The following POMT1 variants were observed in gnomAD, a reference collection of about 807,000 sequenced individuals.
POMT1 encodes protein O-mannosyltransferase 1, also known as protein O-mannosyl-transferase 1.
Under a neutral mutation model 101.6 loss-of-function variants are expected in POMT1, and 85 were observed. The observed-to-expected ratio is 0.84, with a 90% CI of 0.70 to 1.00. POMT1 has a LOEUF of 1.00. POMT1 is among the 50% of genes least tolerant of loss of function. The pLI is 0.00. For synonymous variants in POMT1, 371 were observed against 383.0 expected, an observed-to-expected ratio of 0.97 and a Z score of 0.37; for missense variants, 857 against 930.4, an observed-to-expected ratio of 0.92 and a Z score of 1.03.
intron 13 of POMT1, chr9:131,518,085 C>A: frequency 2.7e-6 from 1 of 377,006 alleles, no homozygotes; most frequent in African/African-American, 2.1e-5. Context: ...GAGCTGTCTG[C>A]GAGTCCTGCC....
At chr9:131,508,823 A>G in intron 5 of POMT1, 88 bp from the exon 6 acceptor site, 1 of 910,468 alleles carries the variant, frequency 1.1e-6, no homozygotes, top group Non-Finnish European at 1.8e-6. Context: ...TCGCTTCTGA[A>G]GTAATGCCTT....
intron 3 of POMT1, 39 bp downstream of exon 3, chr9:131,506,259 C>A (rs764761408): frequency 6.3e-7 from 1 of 1,596,856 alleles, no homozygotes; most frequent in South Asian, 1.1e-5. Context: ...CCCTTCAGGA[C>A]CTCAAATACA....
In POMT1 at chr9:131,519,598, T is replaced by C. The variant is rs2131871070; in HGVS notation, c.1584+112T>C. 9.7e-7 allele frequency: 1 copy of C among 1,033,546 alleles called. No individual in the cohort carries two copies. The highest frequency in any genetic ancestry group is 1.4e-6 in the Non-Finnish European group (1 of 690,160). The allele number at this position is 1,033,546 out of a possible 1,614,324, so 64.0% of individuals were successfully genotyped here. A position where few individuals can be genotyped will look rare whatever the true frequency, so the allele number is the denominator to read the frequency against. ...CAGAGTCAGGCTTTGACGCTGGAGC[T>C]ACAGGCTCACAACAGAATGAGTGTC... is the stretch of plus-strand genomic sequence containing the variant. On this transcript the variant is annotated intron_variant, in intron 16 of 19. Transcript: ENST00000402686. This position sits in a 1 kb window ranked among gnomAD's most constrained non-coding sequence, Gnocchi z 4.3.
Position 131,522,055 on chromosome 9 carries a change from C to T in POMT1, c.1834C>T (p.Leu612=), listed in dbSNP as rs770411608. The change falls in exon 19 of 20, where the codon CTG becomes TTG. Residue 612 remains leucine (L), a synonymous_variant. Coordinates refer to ENST00000402686, the MANE Select transcript of POMT1 (RefSeq NM_001077365.2). This position sits in a 1 kb window ranked among gnomAD's most constrained non-coding sequence, Gnocchi z 5.5. ...NVHDLPQDAW[L]RWVLAGALCA... Reference sequence around the variant, plus strand: ...CGAGCCCTTTCCTATAGATGCCTGGCTGCGCTGGGTGCTGGCTGGGGCGCT... The same window carrying T: ...CGAGCCCTTTCCTATAGATGCCTGGTTGCGCTGGGTGCTGGCTGGGGCGCT... 6.2e-7 allele frequency: 1 copy of T among 1,613,944 alleles called. No homozygotes were observed.
chr9:131,508,859 T>TA, intron 5 of POMT1, 52 bp from the exon 6 acceptor site: 1 of 1,294,694 alleles, frequency 7.7e-7, no homozygotes, highest in Non-Finnish European at 1.1e-6. Context: ...TTCATCCTCA[T>TA]ACGTTTTCCC....
At chr9:131,517,403 T>G (rs1948930389) in intron 13 of POMT1, among the ~76,000 whole-genome samples, 1 of 152,166 alleles carries the variant, frequency 6.6e-6, no homozygotes, top group Non-Finnish European at 1.5e-5. Context: ...ATTTTGAATA[T>G]TTAATTTTTA....
chr9:131,522,879 A>G lies in POMT1; in HGVS notation c.2004-53A>G, dbSNP rs1950242915. ...AGCAGATGCCAAGAGGGTGCCGGGC[A>G]GGGAAGCCGCAGTGGTCAGCCACCC... On this transcript the variant is annotated intron_variant, in intron 19 of 19. Coordinates refer to ENST00000402686, the MANE Select transcript of POMT1 (RefSeq NM_001077365.2). The surrounding 1 kb of genome is among the most constrained non-coding windows in gnomAD (Gnocchi z 5.5). 4 of 1,518,916 alleles carry G rather than the reference A, an allele frequency of 2.6e-6. No homozygotes were observed. Among genetic ancestry groups the G allele is most frequent in the South Asian group, 1.2e-5 (1 of 84,436 alleles). The allele number at this position is 1,518,916 out of a possible 1,614,324, so 94.1% of individuals were successfully genotyped here.
At position 131,507,526 on chromosome 9, in the gene POMT1, G is replaced by T; in HGVS notation, c.427+12G>T. On this transcript the variant is annotated intron_variant, in intron 5 of 19. Transcript: ENST00000402686. ...GTTGATGCTTATCGGTAAGACCTGC[G>T]CCCCTGCCTGCTCTTGCTGTCATGC... is the stretch of plus-strand genomic sequence containing the variant. The T allele has an allele frequency of 1.9e-6, 3 of 1,613,848 alleles. No homozygotes were observed. Among genetic ancestry groups the T allele is most frequent in the Non-Finnish European group, 2.5e-6 (3 of 1,179,968 alleles).
At position 131,509,738 on chromosome 9, in the gene POMT1, T is replaced by G; in HGVS notation, c.540-5T>G. On this transcript the variant is annotated splice_region_variant and splice_polypyrimidine_tract_variant and intron_variant, in intron 6 of 19. Coordinates refer to ENST00000402686, the MANE Select transcript of POMT1 (RefSeq NM_001077365.2). ...CTGTCTCCATCTGCTTTGTTTTTATTCCAGCCCTTTTTCTCTGAGCTGGTG... is the reference window on the plus strand; with the variant it reads ...CTGTCTCCATCTGCTTTGTTTTTATGCCAGCCCTTTTTCTCTGAGCTGGTG... 1 of 1,614,244 alleles carries G rather than the reference T, an allele frequency of 6.2e-7. No individual in the cohort carries two copies. The highest frequency in any genetic ancestry group is 1.6e-4 in the Middle Eastern group (1 of 6,062).
At position 131,519,080 on chromosome 9, in the gene POMT1, G is replaced by A; in HGVS notation, c.1486+123G>A. The A allele has an allele frequency of 1.4e-6, 2 of 1,461,734 alleles. No individual in the cohort carries two copies. The highest frequency in any genetic ancestry group is 1.9e-6 in the Non-Finnish European group (2 of 1,074,532). 90.5% of individuals were successfully genotyped at this position (1,461,734 alleles called of 1,614,324 possible). ...CTGAGCACATTCTCCATGCTCGGTGGCAGGTCATCTCCCTCCCTGCACCCT... is the reference window on the plus strand; with the variant it reads ...CTGAGCACATTCTCCATGCTCGGTGACAGGTCATCTCCCTCCCTGCACCCT... On this transcript the variant is annotated intron_variant, in intron 15 of 19. Coordinates refer to ENST00000402686, the MANE Select transcript of POMT1 (RefSeq NM_001077365.2). The surrounding 1 kb of genome is among the most constrained non-coding windows in gnomAD (Gnocchi z 4.3).
chr9:131,513,650 G>A (rs1429798246), intron 12 of POMT1, among the ~76,000 whole-genome samples: 1 of 152,250 alleles, frequency 6.6e-6, no homozygotes, highest in Non-Finnish European at 1.5e-5. Context: ...TCTATGCAGA[G>A]AATGGAGTTT....
rs1946833127 is a variant in POMT1, at chr9:131,510,303, T to G, written c.743T>G (p.Leu248Arg). 1.2e-6 allele frequency: 2 copies of G among 1,614,148 alleles called. No homozygotes were observed. The highest frequency in any genetic ancestry group is 2.2e-5 in the South Asian group (2 of 91,094). The change falls in exon 9 of 20, where the codon CTG becomes CGG. Residue 248 changes from leucine to arginine, a missense_variant. By Grantham distance (102) the Leu-to-Arg change is moderately radical. Transcript: ENST00000402686. ...CHLLARAVALLVIPVVLYLLF... is the reference protein window; with the variant it reads ...CHLLARAVALRVIPVVLYLLF... ...TTGCTCGCCCGAGCAGTGGCTTTGC[T>G]GGTCATCCCGGTCGTCCTGTACTTA... is the stretch of plus-strand genomic sequence containing the variant.
chr9:131,506,611 G>C, intron 4 of POMT1, 158 bp downstream of exon 4: 1 of 736,858 alleles, frequency 1.4e-6, no homozygotes, highest in Non-Finnish European at 2.4e-6. Context: ...ATAATAAATT[G>C]GTTGGATACA....
At chr9:131,510,873 C>T (rs1425589447) in intron 9 of POMT1, 4 of 322,666 alleles carry the variant, frequency 1.2e-5, no homozygotes, top group Non-Finnish European at 2.4e-5. Flanking sequence ...GGACCACACT[C>T]AACTGTGACC....
At chr9:131,514,313 C>T (rs1947813370) in intron 12 of POMT1, among the ~76,000 whole-genome samples, 2 of 152,204 alleles carry the variant, frequency 1.3e-5, no homozygotes, top group South Asian at 2.1e-4. Context: ...ACTTCACCCC[C>T]GCCACCCTGG....
chr9:131,511,002 CAAGT>C, intron 9 of POMT1: 1 of 287,344 alleles, frequency 3.5e-6, no homozygotes, highest in South Asian at 4.4e-5. Context: ...TGTGTTTCAG[CAAGT>C]TGTTTGGCTC....
intron 13 of POMT1, among the ~76,000 whole-genome samples, chr9:131,516,097 T>TGGAGCACTTCCTCACAG (rs1948465051): frequency 3.0e-5 from 1 of 33,024 alleles, no homozygotes; most frequent in East Asian, 1.1e-3. Context: ...CTTCCTCACA[T>TGGAGCACTTCCTCACAG]GGAGCACTTC....
At position 131,522,423 on chromosome 9, in the gene POMT1, C is replaced by G; in HGVS notation, c.2003+199C>G. The G allele has an allele frequency of 1.8e-6, 2 of 1,123,170 alleles. No homozygotes were observed. The highest frequency in any genetic ancestry group is 2.5e-6 in the Non-Finnish European group (2 of 808,870). The allele number at this position is 1,123,170 out of a possible 1,614,324, so 69.6% of individuals were successfully genotyped here. On this transcript the variant is annotated intron_variant, in intron 19 of 19. Transcript: ENST00000402686. This position sits in a 1 kb window ranked among gnomAD's most constrained non-coding sequence, Gnocchi z 5.5. Reference sequence around the variant, plus strand: ...TGCAGGAACCCAGAGGGAGAAGTCGCGGCTGACAGAGATGAAAGCGGAGTG... The same window carrying G: ...TGCAGGAACCCAGAGGGAGAAGTCGGGGCTGACAGAGATGAAAGCGGAGTG...
intron 8 of POMT1, 88 bp from the exon 9 acceptor site, chr9:131,510,172 T>G (rs1389287404): frequency 2.5e-6 from 4 of 1,609,054 alleles, no homozygotes; most frequent in Non-Finnish European, 3.4e-6. Context: ...AGAGTTTCTG[T>G]CACTAACTTT....
Sources: gnomAD v4.1 joint callset for allele counts (sites outside exome capture counted in the v4.1 genomes callset) on GRCh38, gnomAD v4.1.1 for gene constraint, Gnocchi (gnomAD v3.1) non-coding constraint, MANE v1.5 for transcripts, NCBI Gene and HGNC (gene_info 2026-07-23, HGNC 2026-07-21) for gene names.